The following PRKAR1B variants were observed in gnomAD, a reference collection of about 807,000 sequenced individuals.
PRKAR1B encodes protein kinase cAMP-dependent type I regulatory subunit beta.
PRKAR1B carries 22 observed loss-of-function variants against 46.5 expected under a neutral mutation model. The observed-to-expected ratio is 0.47, with a 90% CI of 0.34 to 0.68. The LOEUF (loss-of-function observed/expected upper bound fraction) is 0.68. Among genes scored for constraint, PRKAR1B ranks in the 30% least tolerant of loss-of-function variants. PRKAR1B has a pLI of 0.01. For synonymous variants in PRKAR1B, 259 were observed against 217.7 expected, an observed-to-expected ratio of 1.19 and a Z score of -1.67; for missense variants, 445 against 535.6, an observed-to-expected ratio of 0.83 and a Z score of 1.67.
chr7:722,717 A>T (rs1330239146), intron 1 of PRKAR1B, among the ~76,000 whole-genome samples: 1 of 152,230 alleles, frequency 6.6e-6, no homozygotes, highest in Non-Finnish European at 1.5e-5. Flanking sequence ...TGATTCCAAC[A>T]TGTGACCTAT....
At chr7:651,559 CT>C (rs1157297069) in intron 4 of PRKAR1B, among the ~76,000 whole-genome samples, 5 of 151,724 alleles carry the variant, frequency 3.3e-5, no homozygotes, top group South Asian at 2.1e-4. Context: ...GGGAAACCCC[CT>C]GTCAGAAGAC....
rs1439207329 is a variant in PRKAR1B at position 667,410 on chromosome 7, C to G, written c.440+9819G>C. Among the ~76,000 whole-genome samples, 1 of 152,152 alleles carries G rather than the reference C, an allele frequency of 6.6e-6. No homozygotes were observed. The highest frequency in any genetic ancestry group is 2.4e-5 in the African/African-American group (1 of 41,430). On this transcript the variant is annotated intron_variant, in intron 4 of 10. Transcript: ENST00000537384. The surrounding 1 kb of genome is among the most constrained non-coding windows in gnomAD (Gnocchi z 4.3). Reference sequence around the variant, plus strand: ...CTCTCCTTCCAAAAGATGTTTTAAACACACCTTAAATTCTGTGGTATCTGA... The same window carrying G: ...CTCTCCTTCCAAAAGATGTTTTAAAGACACCTTAAATTCTGTGGTATCTGA...
chr7:568,898 A>G (rs1779331420), intron 9 of PRKAR1B, among the ~76,000 whole-genome samples: 1 of 151,992 alleles, frequency 6.6e-6, no homozygotes, highest in Non-Finnish European at 1.5e-5. Flanking sequence ...ACGGGTGGGA[A>G]ACAAGATCTG....
In PRKAR1B at chr7:666,183, T is replaced by G. The variant is rs114846397; in HGVS notation, c.440+11046A>C. Among the ~76,000 whole-genome samples the G allele has an allele frequency of 0.093, 14,195 of 151,838 alleles. 1,795 individuals carry two copies. The highest frequency in any genetic ancestry group is 0.29 in the African/African-American group (11,865 of 41,204). Reference sequence around the variant, plus strand: ...AGGGAAAGCCGGGAAGGGACCGGGATAGAACCCAAGGGCCTCCACCTCACT... The same window carrying G: ...AGGGAAAGCCGGGAAGGGACCGGGAGAGAACCCAAGGGCCTCCACCTCACT... On this transcript the variant is annotated intron_variant, in intron 4 of 10. Transcript: ENST00000537384. This position sits in a 1 kb window ranked among gnomAD's most constrained non-coding sequence, Gnocchi z 4.9.
chr7:579,253 C>G lies in PRKAR1B; in HGVS notation c.891+3G>C, dbSNP rs1780043959. Reference sequence around the variant, plus strand: ...GAGCGCCCACGTGGGAAGCACGTCTCACCTCCGTGATGATGTAAAAGTCGT... The same window carrying G: ...GAGCGCCCACGTGGGAAGCACGTCTGACCTCCGTGATGATGTAAAAGTCGT... On this transcript the variant is annotated splice_donor_region_variant and intron_variant, in intron 9 of 10. Coordinates refer to ENST00000537384, the MANE Select transcript of PRKAR1B (RefSeq NM_001164760.2). 6.2e-7 allele frequency: 1 copy of G among 1,613,996 alleles called. No individual in the cohort carries two copies. The highest frequency in any genetic ancestry group is 1.7e-5 in the Admixed American group (1 of 60,006).
At chr7:650,464 G>A (rs557849798) in intron 4 of PRKAR1B, among the ~76,000 whole-genome samples, 161 of 147,768 alleles carry the variant, frequency 1.1e-3, no homozygotes, top group Non-Finnish European at 1.9e-3. Flanking sequence ...CTGCACCTCC[G>A]AACCTCCAGC....
chr7:575,547 G>T lies in PRKAR1B; in HGVS notation c.891+3709C>A, dbSNP rs191957849. The stretch of plus-strand genomic sequence containing the variant: ...TTGAAGCCATCTTTTTTTGTTTTTG[G>T]TTTTGGTTTTGGTTTTGAGACAGGG... On this transcript the variant is annotated intron_variant, in intron 9 of 10. Transcript: ENST00000537384. Among the ~76,000 whole-genome samples the T allele has an allele frequency of 1.2e-3, 182 of 151,948 alleles. 2 individuals are homozygous for T. The highest frequency in any genetic ancestry group is 4.1e-3 in the African/African-American group (169 of 41,496).
At chr7:609,241 T>C (rs1231616452) in intron 4 of PRKAR1B, among the ~76,000 whole-genome samples, 1 of 152,206 alleles carries the variant, frequency 6.6e-6, no homozygotes, top group Admixed American at 6.5e-5. Context: ...CTAAACTGCA[T>C]TTCTTCAAAA....
rs527963753 is a variant in PRKAR1B at position 675,545 on chromosome 7, T to G, written c.440+1684A>C. On this transcript the variant is annotated intron_variant, in intron 4 of 10. Coordinates refer to ENST00000537384, the MANE Select transcript of PRKAR1B (RefSeq NM_001164760.2). ...AAAAATTGTTTTAAAAGAGAGAATT[T>G]TCAATATGTTACACATCCTTTGATC... Among the ~76,000 whole-genome samples the G allele has an allele frequency of 7.4e-4, 113 of 152,228 alleles. 1 individual carries two copies. Among genetic ancestry groups the G allele is most frequent in the Non-Finnish European group, 1.3e-3 (90 of 68,050 alleles).
upstream of PRKAR1B, chr7:727,287 C>A: frequency 7.7e-7 from 1 of 1,306,414 alleles, no homozygotes; most frequent in Non-Finnish European, 9.7e-7. Context: ...GCTGCAGCTG[C>A]GCCGCCGCCC....
chr7:680,699 G>T lies in PRKAR1B; in HGVS notation c.205C>A (p.Gln69Lys). Residue 69 changes from glutamine to lysine, a missense_variant, in exon 3 of 11, where the codon CAA becomes AAA. Gln to Lys is a moderately conservative substitution (Grantham distance 53, BLOSUM62 1). Around this residue, in one of 5 missense-constraint regions of PRKAR1B, gnomAD observed 155 missense variants for 127.5 expected, o/e 1.22. Transcript: ENST00000537384. ...GAGTCCGACTGTGAGTTTGACTTTT[G>T]CCGCGCCAAAATCTGCCTGTTTTCT... ...KEENRQILAR[Q>K]KSNSQSDSHD... is the part of the protein sequence containing the mutation. 1 of 1,613,924 alleles carries T rather than the reference G, an allele frequency of 6.2e-7. No homozygotes were observed. Among genetic ancestry groups the T allele is most frequent in the Non-Finnish European group, 8.5e-7 (1 of 1,179,976 alleles).
intron 4 of PRKAR1B, among the ~76,000 whole-genome samples, chr7:645,999 T>C (rs893570687): frequency 5.9e-5 from 9 of 152,104 alleles, no homozygotes; most frequent in African/African-American, 2.2e-4. Context: ...ACAGCTGAGA[T>C]TCCGGCTCCT....
chr7:576,599 T>C (rs890906674), intron 9 of PRKAR1B, among the ~76,000 whole-genome samples: 6 of 151,872 alleles, frequency 4.0e-5, no homozygotes, highest in East Asian at 1.9e-4. Flanking sequence ...AAATCCACCG[T>C]GTGGAGCTCC....
intron 4 of PRKAR1B, among the ~76,000 whole-genome samples, chr7:671,770 G>A (rs1449188999): frequency 6.6e-6 from 1 of 152,192 alleles, no homozygotes; most frequent in African/African-American, 2.4e-5. Flanking sequence ...ACAGGCAGCA[G>A]GTTCCTGCTG....
Position 560,883 on chromosome 7 carries a change from G to C in PRKAR1B, c.892-9413C>G, listed in dbSNP as rs1394193371. Among the ~76,000 whole-genome samples the C allele has an allele frequency of 6.6e-6, 1 of 152,156 alleles. No homozygotes were observed. Among genetic ancestry groups the C allele is most frequent in the Non-Finnish European group, 1.5e-5 (1 of 68,030 alleles). ...CTCAGGGCCACGGGGGCCACGACAC[G>C]TTCCTCCCTCCAGTGAGACTCCTCA... On this transcript the variant is annotated intron_variant, in intron 9 of 10. Transcript: ENST00000537384. This position sits in a 1 kb window ranked among gnomAD's most constrained non-coding sequence, Gnocchi z 4.2.
At chr7:691,076 T>C (rs983373290) in intron 2 of PRKAR1B, among the ~76,000 whole-genome samples, 3 of 149,396 alleles carry the variant, frequency 2.0e-5, no homozygotes, top group Non-Finnish European at 4.4e-5. Flanking sequence ...CACTGGCCAG[T>C]CCGCTGCAAA....
intron 7 of PRKAR1B, among the ~76,000 whole-genome samples, chr7:588,760 T>C (rs1227402058): frequency 9.6e-4 from 104 of 107,904 alleles, no homozygotes; most frequent in African/African-American, 2.4e-3. Context: ...GTGATGGTGA[T>C]GGTGGTGATG....
At chr7:637,078 G>T (rs1376783878) in intron 4 of PRKAR1B, among the ~76,000 whole-genome samples, 1 of 152,184 alleles carries the variant, frequency 6.6e-6, no homozygotes, top group African/African-American at 2.4e-5. Flanking sequence ...TTGAGCTCAG[G>T]ACTTTGAGAC....
intron 1 of PRKAR1B, among the ~76,000 whole-genome samples, chr7:723,533 T>A (rs1781146038): frequency 6.6e-6 from 1 of 152,206 alleles, no homozygotes; most frequent in Non-Finnish European, 1.5e-5. Context: ...CAGGGTATTT[T>A]GTTGTATTTC....
Sources: allele counts gnomAD v4.1 joint callset (sites outside exome capture counted in the v4.1 genomes callset), GRCh38; gene constraint gnomAD v4.1.1; regional missense constraint gnomAD v4.1.1; non-coding constraint Gnocchi (gnomAD v3.1); transcripts MANE v1.5; gene names NCBI Gene and HGNC (gene_info 2026-07-23, HGNC 2026-07-21).